The following CNTN1 variants were observed in gnomAD, a reference collection of about 807,000 sequenced individuals.
CNTN1 encodes the protein contactin-1.
A neutral mutation model predicts 126.4 loss-of-function variants in CNTN1; 38 were observed. The ratio of observed to expected loss-of-function variants is 0.30; its 90% CI spans 0.23 to 0.39. The LOEUF is 0.39. Ranked by LOEUF, CNTN1 falls within the 10% of genes least tolerant of loss-of-function variation. The pLI is 1.00. For missense variants in CNTN1, 1,009 were observed against 1,248.4 expected (o/e 0.81, Z 2.89); for synonymous variants, 413 against 422.6 (o/e 0.98, Z 0.28).
At chr12:40,913,209 G>T (rs1345609088) in intron 3 of CNTN1, among the ~76,000 whole-genome samples, 1 of 152,158 alleles carries the variant, frequency 6.6e-6, no homozygotes, top group African/African-American at 2.4e-5. Flanking sequence ...TTATAAAAAA[G>T]TACTGCAATG....
intron 23 of CNTN1, among the ~76,000 whole-genome samples, chr12:41,063,421 A>G (rs1046707952): frequency 1.3e-5 from 2 of 152,232 alleles, no homozygotes; most frequent in African/African-American, 4.8e-5. Context: ...ATAGAAAGTT[A>G]CTGTGGTCAA....
chr12:40,693,388 G>A (rs1369761749), intron 1 of CNTN1, among the ~76,000 whole-genome samples: 1 of 152,194 alleles, frequency 6.6e-6, no homozygotes, highest in Non-Finnish European at 1.5e-5. Context: ...GATGGGCTCC[G>A]AGCGGCTGCG....
chr12:40,773,676 C>T (rs11178303), intron 1 of CNTN1, among the ~76,000 whole-genome samples: 61 of 11,434 alleles, frequency 5.3e-3, no homozygotes, highest in African/African-American at 8.7e-3. Context: ...TATATATACA[C>T]ATATATATAT....
intron 1 of CNTN1, among the ~76,000 whole-genome samples, chr12:40,755,305 T>C: frequency 6.8e-6 from 1 of 147,758 alleles, no homozygotes; most frequent in South Asian, 2.1e-4. Context: ...TTTTTCATTT[T>C]CTTATTTCTT....
chr12:40,981,129 C>A, intron 16 of CNTN1, 62 bp downstream of exon 16: 1 of 1,566,494 alleles, frequency 6.4e-7, no homozygotes, highest in Admixed American at 1.7e-5. Context: ...TTCTCAAAAA[C>A]AAAAATTTGG....
intron 1 of CNTN1, among the ~76,000 whole-genome samples, chr12:40,740,404 T>A (rs1216053437): frequency 6.6e-6 from 1 of 152,136 alleles, no homozygotes; most frequent in Non-Finnish European, 1.5e-5. Context: ...CTGCTGTTCA[T>A]ACTTACAGTA....
intron 15 of CNTN1, among the ~76,000 whole-genome samples, chr12:40,962,447 A>G (rs1318404339): frequency 1.3e-5 from 2 of 152,126 alleles, no homozygotes; most frequent in Non-Finnish European, 2.9e-5. Context: ...TAAATATAAA[A>G]CTAAAATTAA....
chr12:40,749,931 G>T (rs939482318), intron 1 of CNTN1, among the ~76,000 whole-genome samples: 1 of 152,056 alleles, frequency 6.6e-6, no homozygotes, highest in African/African-American at 2.4e-5. Flanking sequence ...TGACTCTCAA[G>T]AAGGAAGGAG....
chr12:41,056,592 T>C (rs931593777), intron 23 of CNTN1, among the ~76,000 whole-genome samples: 4 of 152,062 alleles, frequency 2.6e-5, no homozygotes, highest in Non-Finnish European at 4.4e-5. Flanking sequence ...CTAAAATTTC[T>C]AGCACTCCAA....
At chr12:41,059,488 TA>T (rs953237049) in intron 23 of CNTN1, among the ~76,000 whole-genome samples, 3 of 152,188 alleles carry the variant, frequency 2.0e-5, no homozygotes, top group Non-Finnish European at 4.4e-5. Context: ...TAGTAATGTT[TA>T]AAGATGTTTA....
At chr12:41,003,984 G>A (rs535874159) in intron 17 of CNTN1, among the ~76,000 whole-genome samples, 1 of 152,170 alleles carries the variant, frequency 6.6e-6, no homozygotes, top group Admixed American at 6.5e-5. Flanking sequence ...TCTTCTGCTA[G>A]CTTTAGGATT....
At chr12:40,722,410 T>C (rs1354540965) in intron 1 of CNTN1, among the ~76,000 whole-genome samples, 1 of 152,158 alleles carries the variant, frequency 6.6e-6, no homozygotes, top group Non-Finnish European at 1.5e-5. Context: ...TTCTAAAAAT[T>C]ATAAAAAATA....
At chr12:41,068,660 C>T (rs1950099691) in intron 23 of CNTN1, among the ~76,000 whole-genome samples, 1 of 152,020 alleles carries the variant, frequency 6.6e-6, no homozygotes, top group Admixed American at 6.6e-5. Flanking sequence ...ATAAAAGGAC[C>T]ATGCCAAAGA....
In CNTN1 at chr12:40,697,335, G is replaced by A. The variant is rs191229677; in HGVS notation, c.-77+4743G>A. Among the ~76,000 whole-genome samples, 113 of 152,158 alleles carry A rather than the reference G, an allele frequency of 7.4e-4. 1 individual carries two copies. Among genetic ancestry groups the A allele is most frequent in the African/African-American group, 2.6e-3 (110 of 41,516 alleles). Reference sequence around the variant, plus strand: ...ATTGTGTATCTAGTTATTCTTCTGAGTTATTGTTCCTATGATTTTGGATGA... The same window carrying A: ...ATTGTGTATCTAGTTATTCTTCTGAATTATTGTTCCTATGATTTTGGATGA... On this transcript the variant is annotated intron_variant, in intron 1 of 23. Transcript: ENST00000551295.
intron 1 of CNTN1, among the ~76,000 whole-genome samples, chr12:40,794,293 A>G (rs1940328145): frequency 6.6e-6 from 1 of 152,068 alleles, no homozygotes; most frequent in African/African-American, 2.4e-5. Context: ...GTTTTTATAT[A>G]TAAATGGGGG....
intron 16 of CNTN1, among the ~76,000 whole-genome samples, chr12:40,991,565 C>G (rs912812097): frequency 6.6e-6 from 1 of 152,194 alleles, no homozygotes. Flanking sequence ...TATGGTGGCT[C>G]ACGCCTGTAA....
At chr12:41,028,500 G>A (rs1949080531) in intron 22 of CNTN1, among the ~76,000 whole-genome samples, 2 of 152,140 alleles carry the variant, frequency 1.3e-5, no homozygotes, top group Admixed American at 1.3e-4. Context: ...AATAATCAGA[G>A]CTTAAGGAGG....
intron 3 of CNTN1, among the ~76,000 whole-genome samples, chr12:40,911,274 G>T (rs1046097923): frequency 6.6e-5 from 10 of 152,040 alleles, no homozygotes; most frequent in African/African-American, 2.2e-4. Context: ...TAGAGACGGG[G>T]TTTCACCATA....
chr12:41,012,052 G>C (rs1948669509), intron 17 of CNTN1, among the ~76,000 whole-genome samples: 1 of 152,168 alleles, frequency 6.6e-6, no homozygotes. Context: ...GGCGTAAAAA[G>C]GGGAGAGAAT....
Sources: gnomAD v4.1 joint callset for allele counts (sites outside exome capture counted in the v4.1 genomes callset) on GRCh38, gnomAD v4.1.1 for gene constraint, MANE v1.5 for transcripts, NCBI Gene and HGNC (gene_info 2026-07-23, HGNC 2026-07-21) for gene names.